MAP4K5: variants seen among roughly 807,000 people sequenced by gnomAD.
MAP4K5 encodes the protein MAPK/ERK kinase kinase kinase 5.
MAP4K5 carries 82 observed loss-of-function variants against 135.6 expected under a neutral mutation model. The ratio of observed to expected loss-of-function variants is 0.60; its 90% CI spans 0.51 to 0.73. The LOEUF (loss-of-function observed/expected upper bound fraction) is 0.73, where lower values mean the gene tolerates loss of function less well. MAP4K5 is among the 30% of genes least tolerant of loss of function. The pLI, the probability that MAP4K5 is intolerant of heterozygous loss-of-function variation, is 0.00. For synonymous variants in MAP4K5, 347 were observed against 335.0 expected, an observed-to-expected ratio of 1.04 and a Z score of -0.39; for missense variants, 907 against 1,010.9, an observed-to-expected ratio of 0.90 and a Z score of 1.39.
intron 3 of MAP4K5, among the ~76,000 whole-genome samples, chr14:50,490,310 A>C (rs1277446325): frequency 6.6e-6 from 1 of 152,332 alleles, no homozygotes. Flanking sequence ...TAAATTATTA[A>C]AAGCTCCTAA....
At chr14:50,436,442 G>A (rs2036094337) in intron 26 of MAP4K5, among the ~76,000 whole-genome samples, 1 of 152,108 alleles carries the variant, frequency 6.6e-6, no homozygotes, top group South Asian at 2.1e-4. Context: ...GGCTGGTCAT[G>A]CCAGAAATAC....
At chr14:50,490,144 T>TGG (rs2037452196) in intron 3 of MAP4K5, among the ~76,000 whole-genome samples, 1 of 143,366 alleles carries the variant, frequency 7.0e-6, no homozygotes, top group African/African-American at 2.7e-5. Flanking sequence ...TGTGTGTGTG[T>TGG]GTGTGTGTGT....
intron 2 of MAP4K5, among the ~76,000 whole-genome samples, chr14:50,512,171 C>CTATG (rs2037943947): frequency 6.6e-6 from 1 of 152,058 alleles, no homozygotes; most frequent in Non-Finnish European, 1.5e-5. Context: ...ATTCTATGTA[C>CTATG]TATGTGCTTT....
intron 2 of MAP4K5, among the ~76,000 whole-genome samples, chr14:50,515,537 T>C (rs1297559700): frequency 6.6e-6 from 1 of 152,138 alleles, no homozygotes; most frequent in Non-Finnish European, 1.5e-5. Flanking sequence ...CCTGGCAAAA[T>C]CCTAATCTTG....
Position 50,544,936 on chromosome 14 carries a change from CAAAAAAAAAAAAAA to C in MAP4K5, c.-179-2366_-179-2353del, listed in dbSNP as rs35420627. ...TGAGTGACAGAGTGAGACCCACTCT[CAAAAAAAAAAAAAA>C]AAAAAAAAAAAAGAAGCCAACTATA... is the stretch of plus-strand genomic sequence containing the variant. On this transcript the variant is annotated intron_variant, in intron 1 of 8. Coordinates refer to the MAP4K5 transcript ENST00000555216. Among the ~76,000 whole-genome samples, 12 of 58,478 alleles carry C rather than the reference CAAAAAAAAAAAAAA, an allele frequency of 2.1e-4. 1 individual carries two copies. Among genetic ancestry groups the C allele is most frequent in the African/African-American group, 7.0e-4 (11 of 15,766 alleles). 38.4% of individuals were successfully genotyped at this position (58,478 alleles called of 152,430 possible).
intron 5 of MAP4K5, chr14:50,483,282 T>C (rs1181233576): frequency 6.6e-6 from 1 of 152,166 alleles, no homozygotes; most frequent in Non-Finnish European, 1.5e-5. Context: ...GATCTCTCCC[T>C]AATATGAAAT....
chr14:50,442,612 T>C, intron 21 of MAP4K5, 120 bp downstream of exon 21: 2 of 708,664 alleles, frequency 2.8e-6, no homozygotes, highest in South Asian at 3.7e-5. Flanking sequence ...TGCAGGTTCC[T>C]ATACCATTAG....
intron 2 of MAP4K5, among the ~76,000 whole-genome samples, chr14:50,530,108 T>TGAGGAAGCAACATTGTGAGGGTA (rs1310451533): frequency 6.6e-6 from 1 of 151,976 alleles, no homozygotes; most frequent in Non-Finnish European, 1.5e-5. Context: ...CATGTAAGTG[T>TGAGGAAGCAACATTGTGAGGGTA]GAGGAAGCAA....
intron 1 of MAP4K5, among the ~76,000 whole-genome samples, chr14:50,555,660 ATAT>A (rs1190599819): frequency 6.6e-6 from 1 of 152,166 alleles, no homozygotes; most frequent in African/African-American, 2.4e-5. Context: ...ACCAAAATAA[ATAT>A]TTGTCTTATT....
At chr14:50,538,966 C>T (rs899672638) in intron 2 of MAP4K5, among the ~76,000 whole-genome samples, 4 of 152,192 alleles carry the variant, frequency 2.6e-5, no homozygotes, top group Admixed American at 6.5e-5. Flanking sequence ...ACTATGGGTG[C>T]GCACCACTGT....
intron 1 of MAP4K5, among the ~76,000 whole-genome samples, chr14:50,545,888 G>A (rs1200906632): frequency 6.6e-6 from 1 of 152,192 alleles, no homozygotes; most frequent in Non-Finnish European, 1.5e-5. Flanking sequence ...CCAAATTACA[G>A]CAAGAAAAAT....
rs377676584 is a variant in MAP4K5, at chr14:50,440,009, A to G, written c.1705+4T>C. ...TGGTTTATTTTTCATCATCACATAC[A>G]TACCTGATAATGACATTAAAGTATT... On this transcript the variant is annotated splice_donor_region_variant and intron_variant, in intron 23 of 32. Coordinates refer to ENST00000682126, the MANE Select transcript of MAP4K5 (RefSeq NM_006575.6). 61 of 1,538,430 alleles carry G rather than the reference A, an allele frequency of 4.0e-5. No homozygotes were observed. The highest frequency in any genetic ancestry group is 3.4e-4 in the Middle Eastern group (2 of 5,924).
At chr14:50,526,153 A>G (rs2038259004) in intron 2 of MAP4K5, among the ~76,000 whole-genome samples, 1 of 152,084 alleles carries the variant, frequency 6.6e-6, no homozygotes. Context: ...AAATCCAGTT[A>G]ATGTTCCTTC....
At chr14:50,560,352 A>G (rs1233083909) in intron 1 of MAP4K5, 10 of 1,601,124 alleles carry the variant, frequency 6.2e-6, no homozygotes, top group Non-Finnish European at 8.5e-6. Flanking sequence ...CTGGCCCTCC[A>G]CTTTCTGCTT....
At chr14:50,493,237 C>G (rs573464308) in intron 3 of MAP4K5, among the ~76,000 whole-genome samples, 173 of 152,166 alleles carry the variant, frequency 1.1e-3, no homozygotes, top group Middle Eastern at 6.8e-3. Context: ...GTAGCTGGGA[C>G]TACAGGTATA....
chr14:50,485,074 T>C (rs944332308), intron 5 of MAP4K5, among the ~76,000 whole-genome samples: 22 of 152,230 alleles, frequency 1.4e-4, no homozygotes, highest in African/African-American at 4.3e-4. Context: ...CAAAACTTTC[T>C]AAACAGTATT....
intron 21 of MAP4K5, among the ~76,000 whole-genome samples, chr14:50,442,090 T>A (rs1259918434): frequency 6.6e-6 from 1 of 152,136 alleles, no homozygotes; most frequent in African/African-American, 2.4e-5. Flanking sequence ...TTTATTTGAT[T>A]CCAAATTTTT....
intron 2 of MAP4K5, among the ~76,000 whole-genome samples, chr14:50,509,107 T>C (rs1053468333): frequency 2.6e-5 from 4 of 151,880 alleles, no homozygotes; most frequent in Non-Finnish European, 5.9e-5. Flanking sequence ...CTGGAAACCA[T>C]CATTCTGAGC....
chr14:50,494,701 CAGT>C (rs1489571072), intron 3 of MAP4K5, among the ~76,000 whole-genome samples: 3 of 152,128 alleles, frequency 2.0e-5, no homozygotes, highest in Non-Finnish European at 4.4e-5. Context: ...ATAATCAAAA[CAGT>C]AGGGTACTGA....
Sources: allele counts gnomAD v4.1 joint callset (sites outside exome capture counted in the v4.1 genomes callset), GRCh38; gene constraint gnomAD v4.1.1; transcripts MANE v1.5; gene names NCBI Gene and HGNC (gene_info 2026-07-23, HGNC 2026-07-21).